Variants in SH3RF3 observed in about 807,000 individuals in gnomAD.
The protein encoded by SH3RF3 is SH3 domain containing ring finger 3, also known as E3 ubiquitin-protein ligase SH3RF3.
SH3RF3 carries 29 observed loss-of-function variants against 66.3 expected under a neutral mutation model. That is an observed-to-expected ratio of 0.44 (90% CI 0.33 to 0.60). The LOEUF (loss-of-function observed/expected upper bound fraction) is 0.60, where lower values mean the gene tolerates loss of function less well. Ranked by LOEUF, SH3RF3 falls within the 20% of genes least tolerant of loss-of-function variation. The pLI is 0.04. For missense variants in SH3RF3, 1,194 were observed against 1,190.9 expected (o/e 1.00, Z -0.04); for synonymous variants, 583 against 532.0 (o/e 1.10, Z -1.32).
chr2:109,423,055 A>G (rs1314298361), intron 5 of SH3RF3, among the ~76,000 whole-genome samples: 2 of 152,172 alleles, frequency 1.3e-5, no homozygotes, highest in Non-Finnish European at 2.9e-5. Context: ...GCCATCAGAG[A>G]AGGAAACTTC....
At chr2:109,477,674 T>G (rs1191311337) in intron 8 of SH3RF3, among the ~76,000 whole-genome samples, 1 of 151,988 alleles carries the variant, frequency 6.6e-6, no homozygotes, top group African/African-American at 2.4e-5. Flanking sequence ...AGGAGTGATT[T>G]CCCACAGTTT....
intron 1 of SH3RF3, among the ~76,000 whole-genome samples, chr2:109,346,646 G>A (rs750709728): frequency 1.2e-4 from 18 of 152,098 alleles, no homozygotes; most frequent in African/African-American, 1.7e-4. Context: ...GGGCCAGTTA[G>A]AGAAGCCCAG....
intron 1 of SH3RF3, among the ~76,000 whole-genome samples, chr2:109,196,562 C>G (rs1430254899): frequency 1.3e-5 from 2 of 152,166 alleles, no homozygotes; most frequent in Non-Finnish European, 2.9e-5. Flanking sequence ...TGTCGTCCTG[C>G]AAGAGTGGCC....
intron 6 of SH3RF3, 35 bp from the exon 7 acceptor site, chr2:109,436,858 C>G: frequency 6.2e-7 from 1 of 1,604,096 alleles, no homozygotes; most frequent in Non-Finnish European, 8.5e-7. Flanking sequence ...GCCTCTGAGC[C>G]TCTCATCAGA....
intron 8 of SH3RF3, among the ~76,000 whole-genome samples, chr2:109,477,849 A>G (rs778070253): frequency 3.9e-5 from 6 of 152,150 alleles, no homozygotes; most frequent in South Asian, 2.1e-4. Context: ...TCCTAAGGCT[A>G]TCACACTGGG....
intron 8 of SH3RF3, 100 bp from the exon 9 acceptor site, chr2:109,490,505 A>G: frequency 9.9e-7 from 1 of 1,012,348 alleles, no homozygotes; most frequent in Non-Finnish European, 1.3e-6. Context: ...AGAAATTTAA[A>G]AATAAAGTTC....
chr2:109,414,060 C>T (rs1417312128), intron 4 of SH3RF3, among the ~76,000 whole-genome samples: 1 of 152,238 alleles, frequency 6.6e-6, no homozygotes, highest in Non-Finnish European at 1.5e-5. Context: ...GCACCATCTC[C>T]CCTGGGCTAT....
intron 1 of SH3RF3, among the ~76,000 whole-genome samples, chr2:109,206,490 C>CAAAAAAAAAAAAAA (rs36060217): frequency 7.4e-5 from 3 of 40,760 alleles, no homozygotes; most frequent in African/African-American, 3.0e-4. Context: ...GACTCCGTCT[C>CAAAAAAAAAAAAAA]AAAAAAAAAA....
intron 1 of SH3RF3, among the ~76,000 whole-genome samples, chr2:109,249,893 C>T (rs934746842): frequency 4.0e-5 from 6 of 151,330 alleles, no homozygotes; most frequent in African/African-American, 1.2e-4. Flanking sequence ...ACTGTGTTAG[C>T]CAGGATGGTC....
chr2:109,170,246 T>C (rs1194991221), intron 1 of SH3RF3, among the ~76,000 whole-genome samples: 1 of 6,204 alleles, frequency 1.6e-4, no homozygotes, highest in African/African-American at 4.6e-4. Flanking sequence ...TCTTTTCTTT[T>C]CTCTTCTCTT....
chr2:109,405,721 C>G (rs10192463), intron 4 of SH3RF3, among the ~76,000 whole-genome samples: 7,717 of 152,272 alleles, frequency 0.051, 368 homozygotes, highest in African/African-American at 0.12. Context: ...TTTCCACCAC[C>G]AAATCAATTC....
intron 1 of SH3RF3, among the ~76,000 whole-genome samples, chr2:109,291,813 C>G (rs1446881748): frequency 6.6e-6 from 1 of 152,210 alleles, no homozygotes; most frequent in African/African-American, 2.4e-5. Context: ...TGTCAAGGAG[C>G]AGCTCCAAAC....
At chr2:109,272,630 GCA>G (rs1288932971) in intron 1 of SH3RF3, among the ~76,000 whole-genome samples, 1 of 152,216 alleles carries the variant, frequency 6.6e-6, no homozygotes, top group Non-Finnish European at 1.5e-5. Flanking sequence ...ACATGCTTCC[GCA>G]CAGACACAGC....
At chr2:109,301,272 T>G (rs1283551932) in intron 1 of SH3RF3, among the ~76,000 whole-genome samples, 2 of 151,718 alleles carry the variant, frequency 1.3e-5, no homozygotes, top group East Asian at 3.9e-4. Flanking sequence ...GTGGCCACAC[T>G]TGCTGTGTGT....
In SH3RF3 at chr2:109,226,025, T is replaced by G. The variant is rs547178899; in HGVS notation, c.573+95912T>G. On this transcript the variant is annotated intron_variant, in intron 1 of 9. Coordinates refer to ENST00000309415, the MANE Select transcript of SH3RF3 (RefSeq NM_001099289.3). ...CCATTTTAATATTAGAGTAGTATTTTGTCAGGAAAAAATAGGCCTGACCCT... is the reference window on the plus strand; with the variant it reads ...CCATTTTAATATTAGAGTAGTATTTGGTCAGGAAAAAATAGGCCTGACCCT... Among the ~76,000 whole-genome samples the G allele has an allele frequency of 9.9e-4, 151 of 152,382 alleles. 1 individual carries two copies. The highest frequency in any genetic ancestry group is 3.4e-3 in the African/African-American group (140 of 41,602).
In SH3RF3 at chr2:109,196,339, G is replaced by A. The variant is rs57275361; in HGVS notation, c.573+66226G>A. Among the ~76,000 whole-genome samples the A allele has an allele frequency of 8.5e-5, 13 of 152,322 alleles. No homozygotes were observed. In the East Asian group the frequency reaches 2.1e-3, roughly 25 times the overall value. On this transcript the variant is annotated intron_variant, in intron 1 of 9. Coordinates refer to ENST00000309415, the MANE Select transcript of SH3RF3 (RefSeq NM_001099289.3). Reference sequence around the variant, plus strand: ...TCCCCTGGCCCCAAGGCCTGGCGTTGGGCTGTGGCTTGCAGGCCTGGCTCG... The same window carrying A: ...TCCCCTGGCCCCAAGGCCTGGCGTTAGGCTGTGGCTTGCAGGCCTGGCTCG...
At chr2:109,153,599 G>A (rs1396685449) in intron 1 of SH3RF3, among the ~76,000 whole-genome samples, 2 of 152,260 alleles carry the variant, frequency 1.3e-5, no homozygotes, top group Non-Finnish European at 2.9e-5. Flanking sequence ...TGCCCTGTGT[G>A]TGTGGAAGCT....
intron 8 of SH3RF3, among the ~76,000 whole-genome samples, chr2:109,459,508 G>A (rs1405521108): frequency 6.6e-6 from 1 of 152,068 alleles, no homozygotes; most frequent in Non-Finnish European, 1.5e-5. Flanking sequence ...CCTCAGTCAC[G>A]GGGCATTGTG....
intron 7 of SH3RF3, among the ~76,000 whole-genome samples, chr2:109,442,498 T>G (rs1395683700): frequency 6.6e-6 from 1 of 152,134 alleles, no homozygotes; most frequent in Non-Finnish European, 1.5e-5. Context: ...TAAAATATAA[T>G]TGACTGTTTA....
Sources: allele counts gnomAD v4.1 joint callset (sites outside exome capture counted in the v4.1 genomes callset), GRCh38; gene constraint gnomAD v4.1.1; transcripts MANE v1.5; gene names NCBI Gene and HGNC (gene_info 2026-07-23, HGNC 2026-07-21).